Variants in TRPC6 observed in about 807,000 individuals in gnomAD.
The protein encoded by TRPC6 is short transient receptor potential channel 6.
In TRPC6, 55 loss-of-function variants were observed where a neutral mutation model predicts 90.7. The observed-to-expected ratio is 0.61, with a 90% confidence interval of 0.49 to 0.76. TRPC6 has a LOEUF of 0.76. TRPC6 is among the 30% of genes least tolerant of loss of function. The probability of loss-of-function intolerance (pLI) is 0.00; values close to 1 mark genes in which losing one functional copy is unlikely to be tolerated. For synonymous variants in TRPC6, 393 were observed against 393.0 expected, an observed-to-expected ratio of 1.00 and a Z score of 0.00; for missense variants, 989 against 1,122.7, an observed-to-expected ratio of 0.88 and a Z score of 1.70.
intron 2 of TRPC6, 58 bp downstream of exon 2, chr11:101,503,966 G>C: frequency 6.2e-7 from 1 of 1,609,184 alleles, no homozygotes. Flanking sequence ...GGGGAAGCTG[G>C]TAAATACACC....
At chr11:101,462,856 G>A (rs1428696907) in intron 10 of TRPC6, among the ~76,000 whole-genome samples, 1 of 152,104 alleles carries the variant, frequency 6.6e-6, no homozygotes, top group African/African-American at 2.4e-5. Flanking sequence ...TTAAATAGGA[G>A]TGGTGAGGGA....
At chr11:101,457,104 T>C (rs529074627) in intron 10 of TRPC6, among the ~76,000 whole-genome samples, 5 of 152,178 alleles carry the variant, frequency 3.3e-5, no homozygotes, top group African/African-American at 9.6e-5. Flanking sequence ...AATTTGAAAA[T>C]TGAATAGTAT....
chr11:101,479,444 C>G (rs945746245), intron 5 of TRPC6, among the ~76,000 whole-genome samples: 2 of 152,186 alleles, frequency 1.3e-5, no homozygotes, highest in African/African-American at 4.8e-5. Flanking sequence ...TTGTCAACAT[C>G]TCCTAACACA....
At chr11:101,567,962 C>A (rs1861873603) in intron 1 of TRPC6, among the ~76,000 whole-genome samples, 1 of 152,140 alleles carries the variant, frequency 6.6e-6, no homozygotes, top group Admixed American at 6.5e-5. Context: ...GCCTCTTCTC[C>A]TCCAAAGGAT....
intron 1 of TRPC6, among the ~76,000 whole-genome samples, chr11:101,533,865 T>C (rs1052860475): frequency 3.3e-5 from 5 of 152,206 alleles, no homozygotes; most frequent in African/African-American, 4.8e-5. Context: ...GTTTGATGTA[T>C]TCACAGCCCC....
At chr11:101,564,144 T>C (rs142652592) in intron 1 of TRPC6, among the ~76,000 whole-genome samples, 1,706 of 152,346 alleles carry the variant, frequency 0.011, 113 homozygotes, top group Admixed American at 0.09. Context: ...TTTTGCATTG[T>C]ATGAATACTC....
chr11:101,476,276 T>C (rs781237777), intron 6 of TRPC6, 25 bp downstream of exon 6: 7 of 1,596,862 alleles, frequency 4.4e-6, no homozygotes, highest in Non-Finnish European at 6.0e-6. Context: ...CATTTTTATT[T>C]ATATTGACTG....
rs1302507831 is a variant in TRPC6, at chr11:101,546,157, C to T, written c.170+37177G>A. Among the ~76,000 whole-genome samples, 8 of 69,296 alleles carry T rather than the reference C, an allele frequency of 1.2e-4. 2 individuals carry two copies. The highest frequency in any genetic ancestry group is 2.1e-4 in the Non-Finnish European group (7 of 34,030). 45.5% of individuals were successfully genotyped at this position (69,296 alleles called of 152,430 possible). A position where few individuals can be genotyped will look rare whatever the true frequency, so the allele number is the denominator to read the frequency against. ...CGCAATCTCGGCTCACTGCAAGCTC[C>T]GCTTCCCGGGTTCACGCCATTCTCC... On this transcript the variant is annotated intron_variant, in intron 1 of 12. Transcript: ENST00000344327.
intron 5 of TRPC6, among the ~76,000 whole-genome samples, chr11:101,481,857 A>T (rs1163298637): frequency 6.6e-6 from 1 of 152,024 alleles, no homozygotes; most frequent in African/African-American, 2.4e-5. Context: ...CTCCACCCTT[A>T]TCTCCCATCA....
chr11:101,558,226 C>T (rs796892053), intron 1 of TRPC6, among the ~76,000 whole-genome samples: 2,292 of 84,986 alleles, frequency 0.027, 185 homozygotes, highest in Middle Eastern at 0.059. Flanking sequence ...TATATGTATA[C>T]ATGTATATGG....
chr11:101,489,249 C>A, intron 3 of TRPC6, 148 bp from the exon 4 acceptor site: 1 of 753,066 alleles, frequency 1.3e-6, no homozygotes, highest in South Asian at 1.7e-5. Flanking sequence ...TAACAGGCAA[C>A]AAACAAATGG....
intron 1 of TRPC6, among the ~76,000 whole-genome samples, chr11:101,506,576 T>G (rs1238215332): frequency 1.3e-5 from 2 of 152,142 alleles, no homozygotes; most frequent in Non-Finnish European, 2.9e-5. Context: ...ACTATCCAAG[T>G]CCTATTCAAA....
intron 1 of TRPC6, among the ~76,000 whole-genome samples, chr11:101,505,241 A>G (rs545400232): frequency 6.6e-6 from 1 of 152,328 alleles, no homozygotes; most frequent in East Asian, 1.9e-4. Flanking sequence ...CTCTGATGCC[A>G]GGTCTAGGAA....
chr11:101,549,796 A>G, intron 1 of TRPC6, among the ~76,000 whole-genome samples: 1 of 151,504 alleles, frequency 6.6e-6, no homozygotes, highest in Non-Finnish European at 1.5e-5. Context: ...TAATAGATAA[A>G]TAGGTAAATT....
intron 4 of TRPC6, among the ~76,000 whole-genome samples, chr11:101,484,624 TG>T (rs2136693853): frequency 6.7e-6 from 1 of 150,250 alleles, no homozygotes; most frequent in Non-Finnish European, 1.5e-5. Context: ...TGTGTGTGTG[TG>T]TGTGTGTGTG....
At chr11:101,463,920 C>T (rs760866240) in intron 10 of TRPC6, among the ~76,000 whole-genome samples, 19 of 152,150 alleles carry the variant, frequency 1.2e-4, no homozygotes, top group Non-Finnish European at 2.5e-4. Context: ...TTAGATCATT[C>T]CTGCCTTCTC....
intron 1 of TRPC6, among the ~76,000 whole-genome samples, chr11:101,545,586 T>C (rs1861284399): frequency 6.6e-6 from 1 of 152,212 alleles, no homozygotes; most frequent in African/African-American, 2.4e-5. Flanking sequence ...TCTGGGTCTT[T>C]TGACTGCTAA....
intron 10 of TRPC6, among the ~76,000 whole-genome samples, chr11:101,464,111 C>T (rs536305880): frequency 3.9e-5 from 6 of 152,080 alleles, no homozygotes; most frequent in South Asian, 4.1e-4. Flanking sequence ...TGTAGTTGTG[C>T]GGTTTTGAGT....
At chr11:101,474,703 A>T (rs1406109765) in intron 6 of TRPC6, among the ~76,000 whole-genome samples, 1 of 152,176 alleles carries the variant, frequency 6.6e-6, no homozygotes, top group African/African-American at 2.4e-5. Flanking sequence ...ATAAACTCAC[A>T]AGTGAATGTT....
Sources: gnomAD v4.1 joint callset for allele counts (sites outside exome capture counted in the v4.1 genomes callset) on GRCh38, gnomAD v4.1.1 for gene constraint, MANE v1.5 for transcripts, NCBI Gene and HGNC (gene_info 2026-07-23, HGNC 2026-07-21) for gene names.